Variants in CDH13 observed in about 807,000 individuals in gnomAD.
CDH13 encodes cadherin 13.
Under a neutral mutation model 63.8 loss-of-function variants are expected in CDH13, and 24 were observed. The ratio of observed to expected loss-of-function variants is 0.38; its 90% CI spans 0.27 to 0.53. The LOEUF (loss-of-function observed/expected upper bound fraction) is 0.53. Ranked by LOEUF, CDH13 falls within the 20% of genes least tolerant of loss-of-function variation. The probability of loss-of-function intolerance (pLI) is 0.85; values close to 1 mark genes in which losing one functional copy is unlikely to be tolerated. For synonymous variants in CDH13, 503 were observed against 355.3 expected (o/e 1.42, Z -4.67); for missense variants, 1,049 against 903.1 (o/e 1.16, Z -2.07).
intron 11 of CDH13, among the ~76,000 whole-genome samples, chr16:83,752,426 G>T (rs1567572837): frequency 6.6e-6 from 1 of 152,174 alleles, no homozygotes; most frequent in Non-Finnish European, 1.5e-5. Flanking sequence ...AATTTAGTTG[G>T]CTTTCTAAAA....
chr16:83,675,894 AATTCATTCATTC>A (rs1011681907), intron 9 of CDH13, among the ~76,000 whole-genome samples: 1 of 152,178 alleles, frequency 6.6e-6, no homozygotes, highest in African/African-American at 2.4e-5. Flanking sequence ...AATTACAGTC[AATTCATTCATTC>A]ATTCATTCAT....
intron 4 of CDH13, among the ~76,000 whole-genome samples, chr16:83,201,847 A>G (rs187516083): frequency 5.2e-4 from 79 of 152,228 alleles, no homozygotes; most frequent in South Asian, 1.5e-3. Flanking sequence ...CCCGGAAGGC[A>G]GAGCTTCCAG....
intron 6 of CDH13, among the ~76,000 whole-genome samples, chr16:83,438,519 C>T (rs2072386399): frequency 6.6e-6 from 1 of 152,182 alleles, no homozygotes; most frequent in African/African-American, 2.4e-5. Flanking sequence ...ATTCATTGAC[C>T]AACTCCCTGG....
intron 1 of CDH13, among the ~76,000 whole-genome samples, chr16:82,832,601 CA>C (rs36043000): frequency 0.77 from 112,684 of 147,220 alleles, 42,962 homozygotes; most frequent in East Asian, 0.99. Context: ...AGATTCCCAG[CA>C]AAAAAAAAAA....
chr16:82,877,527 C>G (rs1284946207), intron 2 of CDH13, among the ~76,000 whole-genome samples: 1 of 152,160 alleles, frequency 6.6e-6, no homozygotes, highest in Non-Finnish European at 1.5e-5. Context: ...TAGCATTTCC[C>G]AAACTTCTGT....
At chr16:83,489,839 A>G (rs1247569017) in intron 7 of CDH13, among the ~76,000 whole-genome samples, 4 of 152,196 alleles carry the variant, frequency 2.6e-5, no homozygotes, top group Non-Finnish European at 4.4e-5. Context: ...TTCATTTAAG[A>G]AAGTATCCCA....
intron 1 of CDH13, among the ~76,000 whole-genome samples, chr16:82,722,688 C>T (rs776428322): frequency 1.3e-5 from 2 of 152,138 alleles, no homozygotes. Flanking sequence ...GGACAGGTAC[C>T]TACTACGAGC....
At chr16:82,855,013 T>C (rs1203625809) in intron 1 of CDH13, among the ~76,000 whole-genome samples, 1 of 152,190 alleles carries the variant, frequency 6.6e-6, no homozygotes, top group Non-Finnish European at 1.5e-5. Context: ...GACTAATTCT[T>C]ACCTCACTAA....
At chr16:83,297,152 G>C (rs531146364) in intron 5 of CDH13, among the ~76,000 whole-genome samples, 2 of 152,214 alleles carry the variant, frequency 1.3e-5, no homozygotes, top group African/African-American at 4.8e-5. Flanking sequence ...ATAAGCTCTG[G>C]TGTTCTATTG....
chr16:83,701,380 TTCA>T (rs1313527656), intron 10 of CDH13, among the ~76,000 whole-genome samples: 3 of 152,202 alleles, frequency 2.0e-5, no homozygotes, highest in Non-Finnish European at 4.4e-5. Context: ...GTATGTTTCC[TTCA>T]TCATTTCATT....
chr16:83,427,230 A>G (rs1221822010), intron 6 of CDH13, among the ~76,000 whole-genome samples: 13 of 152,022 alleles, frequency 8.6e-5, no homozygotes, highest in Admixed American at 5.9e-4. Flanking sequence ...TGTTTCTTAC[A>G]TGGTCAAAGA....
At chr16:82,981,932 A>T (rs1207922235) in intron 2 of CDH13, among the ~76,000 whole-genome samples, 1 of 152,154 alleles carries the variant, frequency 6.6e-6, no homozygotes, top group East Asian at 1.9e-4. Flanking sequence ...ATAGGTATCC[A>T]TGGCAAAACA....
At chr16:83,610,867 T>C (rs1487221678) in intron 8 of CDH13, among the ~76,000 whole-genome samples, 1 of 152,222 alleles carries the variant, frequency 6.6e-6, no homozygotes, top group Non-Finnish European at 1.5e-5. Context: ...TCAACTTCGG[T>C]TGATTCCACC....
At chr16:83,339,706 TC>T (rs1241535977) in intron 5 of CDH13, among the ~76,000 whole-genome samples, 1 of 151,974 alleles carries the variant, frequency 6.6e-6, no homozygotes, top group Non-Finnish European at 1.5e-5. Flanking sequence ...TTCACAGATG[TC>T]CCCCACCTCC....
At chr16:83,311,826 G>C (rs1295875823) in intron 5 of CDH13, among the ~76,000 whole-genome samples, 2 of 152,308 alleles carry the variant, frequency 1.3e-5, no homozygotes, top group South Asian at 2.1e-4. Context: ...TGTAATCCCA[G>C]CACTTTGGGA....
At chr16:82,941,661 G>C (rs1904288669) in intron 2 of CDH13, among the ~76,000 whole-genome samples, 1 of 152,142 alleles carries the variant, frequency 6.6e-6, no homozygotes, top group African/African-American at 2.4e-5. Context: ...CCAGGCACCA[G>C]GCACATTTTC....
intron 5 of CDH13, among the ~76,000 whole-genome samples, chr16:83,326,560 A>C (rs2090367521): frequency 6.6e-6 from 1 of 152,048 alleles, no homozygotes; most frequent in African/African-American, 2.4e-5. Flanking sequence ...AAGAGAAGGG[A>C]GATGACTCAT....
chr16:83,486,926 C>T (rs527545665), intron 7 of CDH13, among the ~76,000 whole-genome samples: 1 of 152,122 alleles, frequency 6.6e-6, no homozygotes, highest in African/African-American at 2.4e-5. Context: ...ATTCTCTAGG[C>T]CCTGGTGATT....
chr16:83,292,209 A>G (rs1162936918), intron 5 of CDH13, among the ~76,000 whole-genome samples: 1 of 152,222 alleles, frequency 6.6e-6, no homozygotes, highest in African/African-American at 2.4e-5. Context: ...AAACCCAATT[A>G]ATACACAGTT....
Sources: allele counts gnomAD v4.1 joint callset (sites outside exome capture counted in the v4.1 genomes callset), GRCh38; gene constraint gnomAD v4.1.1; transcripts MANE v1.5; gene names NCBI Gene and HGNC (gene_info 2026-07-23, HGNC 2026-07-21).